The following FASTKD5 variants were observed in gnomAD, a reference collection of about 807,000 sequenced individuals.
The protein encoded by FASTKD5 is non-canonical pre-mRNAs endonuclease FASTKD5, mitochondrial.
A neutral mutation model predicts 44.0 loss-of-function variants in FASTKD5; 30 were observed. That is an observed-to-expected ratio of 0.68 (90% CI 0.51 to 0.93). FASTKD5 has a LOEUF of 0.93. Ranked by LOEUF, FASTKD5 falls within the 40% of genes least tolerant of loss-of-function variation. The pLI is 0.00. For missense variants in FASTKD5, 868 were observed against 908.2 expected (o/e 0.96, Z 0.57); for synonymous variants, 335 against 342.2 (o/e 0.98, Z 0.23).
intron 1 of FASTKD5, among the ~76,000 whole-genome samples, chr20:3,153,272 T>G (rs1213208728): frequency 6.6e-6 from 1 of 152,234 alleles, no homozygotes; most frequent in Non-Finnish European, 1.5e-5. Context: ...TGTTTTGAAT[T>G]CATGTGACAC....
Position 3,147,308 on chromosome 20 carries a change from G to C in FASTKD5, c.1763C>G (p.Ser588Cys). ...HHMILPHTRS[S>C]DLEVQLDVNL... Reference sequence around the variant, plus strand: ...AACATCAAGCTGGACCTCTAAGTCAGAAGATCGGGTATGAGGCAAAATCAT... The same window carrying C: ...AACATCAAGCTGGACCTCTAAGTCACAAGATCGGGTATGAGGCAAAATCAT... Residue 588 changes from serine to cysteine, a missense_variant, in exon 2 of 2, where the codon TCT becomes TGT. By Grantham distance (112) the Ser-to-Cys change is moderately radical. Coordinates refer to ENST00000380266, the MANE Select transcript of FASTKD5 (RefSeq NM_021826.5). 6.2e-7 allele frequency: 1 copy of C among 1,614,228 alleles called. No homozygotes were observed. Among genetic ancestry groups the C allele is most frequent in the African/African-American group, 1.3e-5 (1 of 75,048 alleles).
In FASTKD5 at chr20:3,146,698, TG is replaced by T; in HGVS notation, c.*77del. 1 of 1,495,050 alleles carries T rather than the reference TG, an allele frequency of 6.7e-7. No homozygotes were observed. The highest frequency in any genetic ancestry group is 1.4e-5 in the African/African-American group (1 of 71,422). The allele number at this position is 1,495,050 out of a possible 1,614,324, so 92.6% of individuals were successfully genotyped here. On this transcript the variant is annotated 3_prime_UTR_variant, in exon 2 of 2. Transcript: ENST00000380266. ...CTATTTTATCGCCAAACTTACATTC[TG>T]GCTTTTATAATCATTTTGCAACACC...
Position 3,146,892 on chromosome 20 carries a change from G to A in FASTKD5, c.2179C>T (p.Arg727Trp), listed in dbSNP as rs114422732. The A allele has an allele frequency of 8.7e-6, 14 of 1,614,066 alleles. No individual in the cohort carries two copies. The highest frequency in any genetic ancestry group is 6.7e-5 in the East Asian group (3 of 44,904). Residue 727 changes from arginine to tryptophan, a missense_variant, in exon 2 of 2, where the codon CGG becomes TGG. Physicochemically the swap from Arg to Trp is moderately radical, Grantham distance 101. Transcript: ENST00000380266. ...LHNMKRRQLA[R>W]LGYRVVELSY... ...AACTCTACCACACGGTAGCCAAGCC[G>A]AGCCAGCTGCCGCCTCTTCATATTG... is the stretch of plus-strand genomic sequence containing the variant.
intron 1 of FASTKD5, among the ~76,000 whole-genome samples, chr20:3,151,560 G>A (rs2066625285): frequency 6.6e-6 from 1 of 152,104 alleles, no homozygotes; most frequent in Admixed American, 6.5e-5. Flanking sequence ...AGCTGAGGCA[G>A]AAGGATTGCT....
chr20:3,147,498 A>G lies in FASTKD5; in HGVS notation c.1573T>C (p.Cys525Arg). The change falls in exon 2 of 2, where the codon TGT becomes CGT. Residue 525 changes from cysteine (C) to arginine (R), a missense_variant. Coordinates refer to ENST00000380266, the MANE Select transcript of FASTKD5 (RefSeq NM_021826.5). ...YTLDGTVGIE[C>R]PDYRGNRLST... ...AGACGATTGCCTCTGTAATCTGGAC[A>G]CTCAATGCCAACTGTACCATCGAGG... 3 of 1,614,206 alleles carry G rather than the reference A, an allele frequency of 1.9e-6. No homozygotes were observed. The highest frequency in any genetic ancestry group is 2.5e-6 in the Non-Finnish European group (3 of 1,180,030).
rs553657959 is a variant in FASTKD5 at position 3,159,843 on chromosome 20, C to G, written c.-268G>C. ...GGCGGCGACACAGATACTGGCTCCT[C>G]CGGCGACTCCGAGCCTCACAGCCCC... On this transcript the variant is annotated 5_prime_UTR_variant, in exon 1 of 2. Coordinates refer to ENST00000380266, the MANE Select transcript of FASTKD5 (RefSeq NM_021826.5). 4.6e-5 allele frequency: 7 copies of G among 152,432 alleles called. No homozygotes were observed. The highest frequency in any genetic ancestry group is 1.9e-4 in the East Asian group (1 of 5,188). The allele number at this position is 152,432 out of a possible 1,614,324, so 9.4% of individuals were successfully genotyped here.
At chr20:3,150,441 C>CA (rs1313405744) in intron 1 of FASTKD5, 2 of 152,162 alleles carry the variant, frequency 1.3e-5, no homozygotes, top group Non-Finnish European at 2.9e-5. Context: ...GTATAATGCC[C>CA]ATTTTTCTCC....
chr20:3,156,415 G>A (rs2066686353), intron 1 of FASTKD5, among the ~76,000 whole-genome samples: 1 of 152,238 alleles, frequency 6.6e-6, no homozygotes, highest in East Asian at 1.9e-4. Context: ...CTGGCCTCAA[G>A]TGATCCACCT....
In FASTKD5 at chr20:3,146,801, T is replaced by G; in HGVS notation, c.2270A>C (p.Glu757Ala). The change falls in exon 2 of 2, where the codon GAG becomes GCG. Residue 757 changes from glutamate (E) to alanine (A), a missense_variant. By Grantham distance (107) the Glu-to-Ala change is moderately radical. Coordinates refer to ENST00000380266, the MANE Select transcript of FASTKD5 (RefSeq NM_021826.5). ...TRLEKLAFLHEKVFTSAL is the reference protein window; with the variant it reads ...TRLEKLAFLHAKVFTSAL ...TCAGAGAGCAGAGGTGAATACTTTC[T>G]CATGAAGAAACGCCAACTTTTCTAA... The G allele has an allele frequency of 3.7e-6, 6 of 1,614,124 alleles. No individual in the cohort carries two copies. The Middle Eastern group carries it at 6.6e-4, about 178-fold the overall frequency.
intron 1 of FASTKD5, among the ~76,000 whole-genome samples, chr20:3,157,536 G>A (rs892430071): frequency 2.2e-4 from 34 of 152,194 alleles, no homozygotes; most frequent in Non-Finnish European, 4.3e-4. Flanking sequence ...TGGCAAGAAG[G>A]ATGTGGGTAG....
intron 1 of FASTKD5, among the ~76,000 whole-genome samples, chr20:3,152,884 C>A (rs185107229): frequency 5.4e-5 from 8 of 148,136 alleles, no homozygotes; most frequent in Admixed American, 4.1e-4. Flanking sequence ...GCAGCCTGGG[C>A]GAAAGAGCAA....
rs533736670 is a variant in FASTKD5, at chr20:3,151,319, C to G, written c.-190-2059G>C. Reference sequence around the variant, plus strand: ...CATGTTTTTGTAAACAAGGTTTTTTCAGAACATAGCTAGGCCATTCATTAT... The same window carrying G: ...CATGTTTTTGTAAACAAGGTTTTTTGAGAACATAGCTAGGCCATTCATTAT... On this transcript the variant is annotated intron_variant, in intron 1 of 1. Transcript: ENST00000380266. Among the ~76,000 whole-genome samples, 15 of 152,298 alleles carry G rather than the reference C, an allele frequency of 9.8e-5. No individual in the cohort carries two copies. The South Asian group carries it at 2.9e-3, about 29-fold the overall frequency.
In FASTKD5 at chr20:3,148,171, T is replaced by C; in HGVS notation, c.900A>G (p.Gln300=). ...ATTTAAGGATCAATGATTCCAATTT[T>C]TGCATTAGGTCCTGGGATACCTGAC... is the stretch of plus-strand genomic sequence containing the variant. ...ENRQVSQDLM[Q]KLESLILKYI... The change falls in exon 2 of 2, where the codon CAA becomes CAG. Residue 300 remains glutamine (Q), a synonymous_variant. Transcript: ENST00000380266. The C allele has an allele frequency of 6.2e-7, 1 of 1,613,878 alleles. No homozygotes were observed. Among genetic ancestry groups the C allele is most frequent in the Non-Finnish European group, 8.5e-7 (1 of 1,180,002 alleles).
chr20:3,153,905 G>GT, intron 1 of FASTKD5, among the ~76,000 whole-genome samples: 1 of 151,816 alleles, frequency 6.6e-6, no homozygotes. Flanking sequence ...TTTCCTTTGA[G>GT]TATCATGTTG....
At position 3,148,458 on chromosome 20, in the gene FASTKD5, C is replaced by A; in HGVS notation, c.613G>T (p.Asp205Tyr). ...AAAGCTTTCAAAACATTGATCAGAT[C>A]TTGGGTATCAAAGAGCTGTATCTTC... ...VKKIQLFDTQ[D>Y]LINVLKAFVI... The change falls in exon 2 of 2, where the codon GAT (aspartate) becomes TAT (tyrosine). Residue 205 changes from aspartate (D) to tyrosine (Y), a missense_variant. Asp to Tyr is a radical substitution (Grantham distance 160). Coordinates refer to ENST00000380266, the MANE Select transcript of FASTKD5 (RefSeq NM_021826.5). The A allele has an allele frequency of 6.2e-7, 1 of 1,614,128 alleles. No homozygotes were observed. The highest frequency in any genetic ancestry group is 1.1e-5 in the South Asian group (1 of 91,084).
chr20:3,152,543 T>G (rs2066641678), intron 1 of FASTKD5, among the ~76,000 whole-genome samples: 1 of 152,032 alleles, frequency 6.6e-6, no homozygotes, highest in Non-Finnish European at 1.5e-5. Context: ...ATTTGGAATT[T>G]AATTTAATCC....
chr20:3,158,513 G>A lies in FASTKD5; in HGVS notation c.-191+1253C>T, dbSNP rs532576666. Among the ~76,000 whole-genome samples the A allele has an allele frequency of 3.3e-5, 5 of 151,786 alleles. No individual in the cohort carries two copies. In the East Asian group the frequency reaches 7.7e-4, roughly 24 times the overall value. ...ATTTGAGACGGACTCTCGCTCTCTC[G>A]CCCAGGCTGGAGTGCAGTGGCGCGA... is the stretch of plus-strand genomic sequence containing the variant. On this transcript the variant is annotated intron_variant, in intron 1 of 1. Transcript: ENST00000380266.
At chr20:3,152,469 T>G (rs2066640218) in intron 1 of FASTKD5, among the ~76,000 whole-genome samples, 1 of 151,956 alleles carries the variant, frequency 6.6e-6, no homozygotes, top group African/African-American at 2.4e-5. Context: ...GCCACTGCAC[T>G]GCAGCCCGGG....
intron 1 of FASTKD5, among the ~76,000 whole-genome samples, chr20:3,157,927 G>A (rs1365267969): frequency 1.3e-5 from 2 of 151,470 alleles, no homozygotes; most frequent in African/African-American, 2.4e-5. Context: ...ACAGGGTCTC[G>A]CTCTGTTGTT....
Sources: allele counts gnomAD v4.1 joint callset (sites outside exome capture counted in the v4.1 genomes callset), GRCh38; gene constraint gnomAD v4.1.1; transcripts MANE v1.5; gene names NCBI Gene and HGNC (gene_info 2026-07-23, HGNC 2026-07-21).